Variants in GATAD1 observed in about 807,000 individuals in gnomAD.
GATAD1 encodes GATA zinc finger domain-containing protein 1.
In GATAD1, 12 loss-of-function variants were observed where a neutral mutation model predicts 26.5. The ratio of observed to expected loss-of-function variants is 0.45; its 90% confidence interval spans 0.29 to 0.73. GATAD1 has a LOEUF of 0.73. Among genes scored for constraint, GATAD1 ranks in the 30% least tolerant of loss-of-function variants. GATAD1 has a pLI of 0.10. For synonymous variants in GATAD1, 129 were observed against 133.1 expected (o/e 0.97, Z 0.21); for missense variants, 266 against 342.1 (o/e 0.78, Z 1.75).
At chr7:92,489,523 C>A in the GATAD1 span, 1 of 1,119,434 alleles carries the variant, frequency 8.9e-7, no homozygotes, top group Non-Finnish European at 1.3e-6. Flanking sequence ...TTTCAAGAGA[C>A]CATACGTTCT....
chr7:92,455,116 G>A (rs939416423), intron 4 of GATAD1, among the ~76,000 whole-genome samples: 4 of 151,426 alleles, frequency 2.6e-5, no homozygotes, highest in African/African-American at 9.7e-5. Context: ...GTGGCGGGGG[G>A]GGATGCAATT....
rs777739151 is a variant in GATAD1 at position 92,458,409 on chromosome 7, A to G, written c.*1847A>G. ...AGTCATTGGTAGGCCATTAGCATTG[A>G]TATCTTTAAAACATCTACCCTAAAC... On this transcript the variant is annotated 3_prime_UTR_variant, in exon 5 of 5. Transcript: ENST00000287957. The G allele has an allele frequency of 2.6e-5, 4 of 152,184 alleles. No homozygotes were observed. Among genetic ancestry groups the G allele is most frequent in the African/African-American group, 9.7e-5 (4 of 41,440 alleles). 9.4% of individuals were successfully genotyped at this position (152,184 alleles called of 1,614,324 possible). A position where few individuals can be genotyped will look rare whatever the true frequency, so the allele number is the denominator to read the frequency against.
chr7:92,454,710 T>C (rs752595272), intron 4 of GATAD1, 25 bp downstream of exon 4: 18 of 1,520,304 alleles, frequency 1.2e-5, no homozygotes, highest in Non-Finnish European at 1.6e-5. Flanking sequence ...TGGCACAGGT[T>C]TTTTTTTAAC....
the GATAD1 span, chr7:92,490,067 T>C: frequency 3.5e-5 from 24 of 679,564 alleles, no homozygotes; most frequent in Admixed American, 3.1e-4. Context: ...AGCTGAAAAG[T>C]TGTTCATCTT....
At chr7:92,488,360 C>A in the GATAD1 span, among the ~76,000 whole-genome samples, 1 of 152,096 alleles carries the variant, frequency 6.6e-6, no homozygotes, top group African/African-American at 2.4e-5. Context: ...CGTATGTACA[C>A]ATACATACAT....
the GATAD1 span, chr7:92,493,558 G>C: frequency 6.4e-6 from 1 of 156,914 alleles, no homozygotes; most frequent in Non-Finnish European, 1.4e-5. Flanking sequence ...GAGATTGCTT[G>C]AGCCTGGGCC....
Position 92,447,677 on chromosome 7 carries a change from C to T in GATAD1, c.-53C>T, listed in dbSNP as rs960113700. On this transcript the variant is annotated 5_prime_UTR_variant, in exon 1 of 5. Coordinates refer to ENST00000287957, the MANE Select transcript of GATAD1 (RefSeq NM_021167.5). ...GCCGACCAGGGGGCGGCCGGGCTAC[C>T]GTCCGCCATTCCCGTGTCTCTGCGC... 3.6e-5 allele frequency: 49 copies of T among 1,373,612 alleles called. No homozygotes were observed. The highest frequency in any genetic ancestry group is 4.2e-5 in the Non-Finnish European group (45 of 1,062,078). The allele number at this position is 1,373,612 out of a possible 1,614,324, so 85.1% of individuals were successfully genotyped here.
chr7:92,462,712 C>T (rs758334472), downstream of GATAD1, among the ~76,000 whole-genome samples: 8 of 152,106 alleles, frequency 5.3e-5, no homozygotes, highest in African/African-American at 1.7e-4. Context: ...CAGATTTCTA[C>T]GAGGTCATGA....
the GATAD1 span, chr7:92,468,876 C>T: frequency 1.3e-6 from 1 of 764,306 alleles, no homozygotes; most frequent in Non-Finnish European, 2.4e-6. Flanking sequence ...CAGGCCGGTC[C>T]AGGGGTCTGC....
At chr7:92,475,461 G>T in the GATAD1 span, among the ~76,000 whole-genome samples, 2 of 152,158 alleles carry the variant, frequency 1.3e-5, no homozygotes, top group Admixed American at 6.5e-5. Context: ...CACTGATGTT[G>T]CAGTCCTGCA....
the GATAD1 span, among the ~76,000 whole-genome samples, chr7:92,466,947 C>T: frequency 1.3e-5 from 2 of 150,950 alleles, no homozygotes; most frequent in Non-Finnish European, 3.0e-5. Flanking sequence ...TTTACATTTC[C>T]CAGATCCTTG....
the GATAD1 span, among the ~76,000 whole-genome samples, chr7:92,467,635 G>C: frequency 6.6e-6 from 1 of 152,244 alleles, no homozygotes; most frequent in Non-Finnish European, 1.5e-5. Context: ...GCTTACTATT[G>C]TAAGGGAGAG....
downstream of GATAD1, among the ~76,000 whole-genome samples, chr7:92,462,017 A>G (rs1394485519): frequency 6.6e-6 from 1 of 152,226 alleles, no homozygotes; most frequent in Non-Finnish European, 1.5e-5. Context: ...CTGGTGGCCA[A>G]TGTAAATTAA....
chr7:92,476,609 C>A, the GATAD1 span, among the ~76,000 whole-genome samples: 2 of 151,966 alleles, frequency 1.3e-5, no homozygotes, highest in African/African-American at 4.8e-5. Context: ...CTCTCTCTCT[C>A]CTCTTTGTCT....
the GATAD1 span, among the ~76,000 whole-genome samples, chr7:92,479,469 G>C: frequency 6.6e-6 from 1 of 152,148 alleles, no homozygotes; most frequent in African/African-American, 2.4e-5. Flanking sequence ...GAATGTCATC[G>C]GTTAAGGCAG....
At chr7:92,472,365 A>C in the GATAD1 span, 1 of 152,174 alleles carries the variant, frequency 6.6e-6, no homozygotes, top group Non-Finnish European at 1.5e-5. Flanking sequence ...AGATACTAAG[A>C]CTGCTACTGC....
At chr7:92,469,055 G>T in the GATAD1 span, 2 of 706,588 alleles carry the variant, frequency 2.8e-6, no homozygotes, top group Admixed American at 2.0e-5. Context: ...GGCATCCATT[G>T]GCTGAGGAGG....
chr7:92,456,459 C>A lies in GATAD1; in HGVS notation c.707C>A (p.Pro236Gln). 3 of 1,611,814 alleles carry A rather than the reference C, an allele frequency of 1.9e-6. No homozygotes were observed. Among genetic ancestry groups the A allele is most frequent in the Non-Finnish European group, 2.5e-6 (3 of 1,177,900 alleles). The stretch of plus-strand genomic sequence containing the variant: ...GAGTATTTCAAGTCACGGTCATCAC[C>A]ATTTCCCACAGTTCCCACCAGACCA... ...PSEYFKSRSS[P>Q]FPTVPTRPEK... The change falls in exon 5 of 5, where the codon CCA (proline) becomes CAA (glutamine). Residue 236 changes from proline (P) to glutamine (Q), a missense_variant. Transcript: ENST00000287957.
At chr7:92,449,587 G>A (rs145191514) in intron 2 of GATAD1, 69 of 979,504 alleles carry the variant, frequency 7.0e-5, no homozygotes, top group Admixed American at 1.2e-4. Context: ...TCACTTACCC[G>A]TAAAGACGTT....
Sources: allele counts gnomAD v4.1 joint callset (sites outside exome capture counted in the v4.1 genomes callset), GRCh38; gene constraint gnomAD v4.1.1; transcripts MANE v1.5; gene names NCBI Gene and HGNC (gene_info 2026-07-23, HGNC 2026-07-21).